XRCC2: variants seen among roughly 807,000 people sequenced by gnomAD.
XRCC2 encodes X-ray repair cross complementing 2, also known as DNA repair protein XRCC2.
A neutral mutation model predicts 27.3 loss-of-function variants in XRCC2; 24 were observed. That is an observed-to-expected ratio of 0.88 (90% CI 0.64 to 1.24). The LOEUF is 1.24. Among genes scored for constraint, XRCC2 ranks in the 50% most tolerant of loss-of-function variants. The probability of loss-of-function intolerance (pLI) is 0.00; values close to 1 mark genes in which losing one functional copy is unlikely to be tolerated. For missense variants in XRCC2, 321 were observed against 325.8 expected, an observed-to-expected ratio of 0.99 and a Z score of 0.11; for synonymous variants, 106 against 115.4, an observed-to-expected ratio of 0.92 and a Z score of 0.52.
chr7:152,662,300 C>G (rs923635955), intron 1 of XRCC2, among the ~76,000 whole-genome samples: 1 of 151,824 alleles, frequency 6.6e-6, no homozygotes, highest in South Asian at 2.1e-4. Flanking sequence ...TTGGTGGTTA[C>G]TAGGGGACAG....
intron 2 of XRCC2, among the ~76,000 whole-genome samples, chr7:152,659,316 G>C (rs1280113014): frequency 6.6e-6 from 1 of 152,158 alleles, no homozygotes; most frequent in Non-Finnish European, 1.5e-5. Flanking sequence ...GAGAGAAACA[G>C]ACAATTCAAC....
At chr7:152,654,915 C>T (rs2098030103) in intron 2 of XRCC2, among the ~76,000 whole-genome samples, 1 of 152,200 alleles carries the variant, frequency 6.6e-6, no homozygotes, top group Non-Finnish European at 1.5e-5. Context: ...GAACTGAAAT[C>T]AGTTTTACTG....
chr7:152,667,428 A>AAAAAAAAAAG lies in XRCC2; in HGVS notation c.40-6647_40-6646insCTTTTTTTTT, dbSNP rs1563032964. ...CTCAAAAAAAAAAAAAAAAAAAAAGAAAAAAAGTATTATAATTTTATTGAC... is the reference window on the plus strand; with the variant it reads ...CTCAAAAAAAAAAAAAAAAAAAAAGAAAAAAAAAAGAAAAAAGTATTATAATTTTATTGAC... On this transcript the variant is annotated intron_variant, in intron 1 of 2. Transcript: ENST00000359321. 5.4e-3 allele frequency among the ~76,000 whole-genome samples: 420 copies of AAAAAAAAAAG among 77,874 alleles called. 4 individuals are homozygous for AAAAAAAAAAG. Among genetic ancestry groups the AAAAAAAAAAG allele is most frequent in the African/African-American group, 6.5e-3 (129 of 19,750 alleles). 51.1% of individuals were successfully genotyped at this position (77,874 alleles called of 152,430 possible).
intron 1 of XRCC2, among the ~76,000 whole-genome samples, chr7:152,674,713 T>A (rs1175817122): frequency 7.2e-5 from 4 of 55,182 alleles, no homozygotes; most frequent in African/African-American, 1.3e-4. Flanking sequence ...ATTTATATAA[T>A]ATATTTTTAA....
At chr7:152,661,003 A>G (rs1198749637) in intron 1 of XRCC2, among the ~76,000 whole-genome samples, 1 of 152,172 alleles carries the variant, frequency 6.6e-6, no homozygotes, top group Non-Finnish European at 1.5e-5. Flanking sequence ...TGACTCTACA[A>G]AAAATACAAA....
intron 1 of XRCC2, among the ~76,000 whole-genome samples, chr7:152,664,202 C>T (rs2098034618): frequency 6.6e-6 from 1 of 152,172 alleles, no homozygotes; most frequent in Non-Finnish European, 1.5e-5. Context: ...AATCTATATC[C>T]TTTTGCTGTT....
At chr7:152,659,988 G>A (rs1220330602) in intron 2 of XRCC2, among the ~76,000 whole-genome samples, 1 of 152,146 alleles carries the variant, frequency 6.6e-6, no homozygotes, top group Non-Finnish European at 1.5e-5. Context: ...TTATGAAATG[G>A]TGACACTGAA....
intron 2 of XRCC2, among the ~76,000 whole-genome samples, chr7:152,652,158 G>A (rs2098028801): frequency 7.0e-6 from 1 of 143,134 alleles, no homozygotes; most frequent in African/African-American, 2.5e-5. Context: ...GGGAGACCCT[G>A]TCTCTAAAAA....
chr7:152,669,078 C>T (rs1469349661), intron 1 of XRCC2, among the ~76,000 whole-genome samples: 1 of 152,004 alleles, frequency 6.6e-6, no homozygotes, highest in Admixed American at 6.6e-5. Context: ...AGTTTTTGGA[C>T]CTATTAAACT....
rs779726284 is a variant in XRCC2 at position 152,645,093 on chromosome 7, G to A, written c.*3549C>T. On this transcript the variant is annotated 3_prime_UTR_variant, in exon 3 of 3. Transcript: ENST00000359321. ...GTTTACGTAAAATTAAATGAGCGCTGGCAGTGAGCTGCACTTTTTTTTTCT... is the reference window on the plus strand; with the variant it reads ...GTTTACGTAAAATTAAATGAGCGCTAGCAGTGAGCTGCACTTTTTTTTTCT... The A allele has an allele frequency of 1.3e-5, 2 of 152,020 alleles. No homozygotes were observed. Among genetic ancestry groups the A allele is most frequent in the Non-Finnish European group, 2.9e-5 (2 of 68,018 alleles). The allele number at this position is 152,020 out of a possible 1,614,324, so 9.4% of individuals were successfully genotyped here. A position where few individuals can be genotyped will look rare whatever the true frequency, so the allele number is the denominator to read the frequency against.
rs753535808 is a variant in XRCC2 at position 152,676,100 on chromosome 7, G to C, written c.-21C>G. ...CACATCGCCCCGAAGGCTCGGCGCA[G>C]GAGAGACTCAACTTTCCCGCCACCA... On this transcript the variant is annotated 5_prime_UTR_variant, in exon 1 of 3. Coordinates refer to ENST00000359321, the MANE Select transcript of XRCC2 (RefSeq NM_005431.2). 1 of 1,613,692 alleles carries C rather than the reference G, an allele frequency of 6.2e-7. No individual in the cohort carries two copies. Among genetic ancestry groups the C allele is most frequent in the South Asian group, 1.1e-5 (1 of 91,086 alleles).
Position 152,660,778 on chromosome 7 carries a change from A to G in XRCC2, c.44T>C (p.Leu15Pro). 4 of 1,609,870 alleles carry G rather than the reference A, an allele frequency of 2.5e-6. No homozygotes were observed. The highest frequency in any genetic ancestry group is 3.4e-6 in the Non-Finnish European group (4 of 1,178,524). ...FHRAESGTEL[L>P]ARLEGRSSLK... ...GGAACTTCTACCTTCAAGTCGGGCAAGGAGCTTATAAAAGAAGAGAGAAGG... is the reference window on the plus strand; with the variant it reads ...GGAACTTCTACCTTCAAGTCGGGCAGGGAGCTTATAAAAGAAGAGAGAAGG... Residue 15 changes from leucine to proline, a missense_variant, in exon 2 of 3, where the codon CTT becomes CCT. Coordinates refer to ENST00000359321, the MANE Select transcript of XRCC2 (RefSeq NM_005431.2).
At chr7:152,661,014 A>C (rs1188072426) in intron 1 of XRCC2, among the ~76,000 whole-genome samples, 1 of 152,008 alleles carries the variant, frequency 6.6e-6, no homozygotes, top group Non-Finnish European at 1.5e-5. Flanking sequence ...AAAATACAAA[A>C]ATTATCTGGG....
At chr7:152,657,867 CAAAAG>C (rs1467781688) in intron 2 of XRCC2, among the ~76,000 whole-genome samples, 8 of 150,282 alleles carry the variant, frequency 5.3e-5, no homozygotes, top group Admixed American at 6.6e-5. Flanking sequence ...ATATTTAACA[CAAAAG>C]AAAACAGTAA....
chr7:152,649,505 T>C (rs746025038), intron 2 of XRCC2, 142 bp from the exon 3 acceptor site: 8 of 992,342 alleles, frequency 8.1e-6, no homozygotes, highest in Non-Finnish European at 1.1e-5. Flanking sequence ...AATGGAGCTG[T>C]ACAAGCAAAT....
chr7:152,651,251 T>G (rs2098028425), intron 2 of XRCC2, among the ~76,000 whole-genome samples: 1 of 152,026 alleles, frequency 6.6e-6, no homozygotes, highest in Admixed American at 6.5e-5. Flanking sequence ...TTCTTATTAT[T>G]ATCAACAAAC....
intron 1 of XRCC2, among the ~76,000 whole-genome samples, chr7:152,662,926 T>C (rs1359789111): frequency 1.3e-5 from 2 of 152,166 alleles, no homozygotes; most frequent in African/African-American, 4.8e-5. Flanking sequence ...CCTCAAGTGA[T>C]GAAAAAGTTC....
chr7:152,665,487 C>CTTTTTTTT (rs66692067), intron 1 of XRCC2, among the ~76,000 whole-genome samples: 26 of 84,330 alleles, frequency 3.1e-4, no homozygotes, highest in South Asian at 5.1e-4. Flanking sequence ...TAAGACAAAC[C>CTTTTTTTT]TTTTTTTTTT....
chr7:152,647,857 T>C lies in XRCC2; in HGVS notation c.*785A>G, dbSNP rs2098026699. On this transcript the variant is annotated 3_prime_UTR_variant, in exon 3 of 3. Transcript: ENST00000359321. ...TGCCTCCAGCTTTGTTCTTTTTGCT[T>C]AGGATTGCCTTACTATCAATATTTC... 6.6e-6 allele frequency: 1 copy of C among 152,216 alleles called. No individual in the cohort carries two copies. The highest frequency in any genetic ancestry group is 6.5e-5 in the Admixed American group (1 of 15,282). The allele number at this position is 152,216 out of a possible 1,614,324, so 9.4% of individuals were successfully genotyped here.
Sources: gnomAD v4.1 joint callset for allele counts (sites outside exome capture counted in the v4.1 genomes callset) on GRCh38, gnomAD v4.1.1 for gene constraint, MANE v1.5 for transcripts, NCBI Gene and HGNC (gene_info 2026-07-23, HGNC 2026-07-21) for gene names.